The following DNAH10 variants were observed in gnomAD, a reference collection of about 807,000 sequenced individuals.
DNAH10 encodes dynein axonemal heavy chain 10.
Under a neutral mutation model 506.6 loss-of-function variants are expected in DNAH10, and 348 were observed. That is an observed-to-expected ratio of 0.69 (90% CI 0.63 to 0.75). The LOEUF is 0.75. DNAH10 is among the 30% of genes least tolerant of loss of function. DNAH10 has a pLI of 0.00. For synonymous variants in DNAH10, 2,059 were observed against 2,198.6 expected (o/e 0.94, Z 1.78); for missense variants, 5,179 against 5,787.1 (o/e 0.89, Z 3.41).
chr12:123,767,247 G>A (rs1446332817), intron 1 of DNAH10, among the ~76,000 whole-genome samples: 2 of 152,116 alleles, frequency 1.3e-5, no homozygotes, highest in African/African-American at 4.8e-5. Flanking sequence ...CACACGGCCT[G>A]CAATTTACAT....
At position 123,910,445 on chromosome 12, in the gene DNAH10, G is replaced by A. The variant is rs1954012643; in HGVS notation, c.9998-91G>A. ...GCATTCTGCTCACAGGGCCACTGAA[G>A]AATAAGAAACTAGTTATGCTTATTT... On this transcript the variant is annotated intron_variant, in intron 58 of 78. Coordinates refer to ENST00000673944, the MANE Select transcript of DNAH10 (RefSeq NM_001372106.1). 3.3e-6 allele frequency: 5 copies of A among 1,497,156 alleles called. No homozygotes were observed. In the Admixed American group the frequency reaches 5.9e-5, roughly 18 times the overall value. 92.7% of individuals were successfully genotyped at this position (1,497,156 alleles called of 1,614,324 possible). A position where few individuals can be genotyped will look rare whatever the true frequency, so the allele number is the denominator to read the frequency against.
chr12:123,930,535 A>G lies in DNAH10; in HGVS notation c.12746A>G (p.Tyr4249Cys). ...FHFFRNKEVD[Y>C]KIPVGDEKEK... ...TTCTTCCGGAACAAGGAAGTGGACT[A>G]CAAAATCCCTGTTGGTGATGAAAAG... is the stretch of plus-strand genomic sequence containing the variant. Residue 4249 changes from tyrosine to cysteine, a missense_variant, in exon 73 of 79, where the codon TAC becomes TGC. Tyr to Cys is a radical substitution (Grantham distance 194). This residue lies in a region of DNAH10 where 4,844 missense variants were observed against 5,430.5 expected (regional missense o/e 0.89). Coordinates refer to ENST00000673944, the MANE Select transcript of DNAH10 (RefSeq NM_001372106.1). The G allele has an allele frequency of 4.4e-6, 7 of 1,605,752 alleles. No homozygotes were observed. The highest frequency in any genetic ancestry group is 5.9e-6 in the Non-Finnish European group (7 of 1,177,860).
chr12:123,934,133 C>T, intron 77 of DNAH10: 1 of 651,122 alleles, frequency 1.5e-6, no homozygotes, highest in Non-Finnish European at 2.8e-6. Context: ...CCACCACTCT[C>T]TCTGGGGCCA....
Position 123,926,436 on chromosome 12 carries a change from C to T in DNAH10, c.11922-201C>T. Reference sequence around the variant, plus strand: ...AGTGTGAGGGGGTACAGAGAAGTCCCTGCCACTCAGGAGTTCCCCATCAGG... The same window carrying T: ...AGTGTGAGGGGGTACAGAGAAGTCCTTGCCACTCAGGAGTTCCCCATCAGG... On this transcript the variant is annotated intron_variant, in intron 68 of 78. Coordinates refer to ENST00000673944, the MANE Select transcript of DNAH10 (RefSeq NM_001372106.1). The surrounding 1 kb of genome is among the most constrained non-coding windows in gnomAD (Gnocchi z 4.1). 1 of 575,446 alleles carries T rather than the reference C, an allele frequency of 1.7e-6. No individual in the cohort carries two copies. The allele number at this position is 575,446 out of a possible 1,614,324, so 35.6% of individuals were successfully genotyped here.
chr12:123,834,041 G>T (rs1960862812), intron 27 of DNAH10, among the ~76,000 whole-genome samples: 2 of 152,104 alleles, frequency 1.3e-5, no homozygotes, highest in Non-Finnish European at 2.9e-5. Flanking sequence ...CACAATCCAA[G>T]CCTTGGGTGG....
At chr12:123,773,658 G>A (rs944440000) in intron 4 of DNAH10, among the ~76,000 whole-genome samples, 14 of 152,204 alleles carry the variant, frequency 9.2e-5, no homozygotes, top group African/African-American at 3.4e-4. Flanking sequence ...GGAGAGCAGA[G>A]AGAGAGAGAG....
At chr12:123,935,266 C>T (rs1955441959) in intron 78 of DNAH10, 69 bp from the exon 79 acceptor site, 1 of 1,563,850 alleles carries the variant, frequency 6.4e-7, no homozygotes, top group African/African-American at 1.3e-5. Context: ...AAGACTTACA[C>T]TGCACCTCTG....
At chr12:123,923,538 G>A (rs1441942631) in intron 65 of DNAH10, 9 of 394,086 alleles carry the variant, frequency 2.3e-5, no homozygotes, top group Non-Finnish European at 2.2e-5. Context: ...GGCCATTTCC[G>A]TTACATACAG....
chr12:123,778,587 T>C (rs1428387523), intron 5 of DNAH10, among the ~76,000 whole-genome samples: 1 of 151,530 alleles, frequency 6.6e-6, no homozygotes. Context: ...TCCCAGCTAC[T>C]TGGGAGGCTG....
chr12:123,897,627 A>G, intron 54 of DNAH10, 143 bp from the exon 55 acceptor site: 1 of 780,158 alleles, frequency 1.3e-6, no homozygotes, highest in Non-Finnish European at 1.9e-6. Context: ...TGGGAGGCTG[A>G]GGTGGGAGGA....
At position 123,919,023 on chromosome 12, in the gene DNAH10, C is replaced by A; in HGVS notation, c.11506+74C>A. 6.9e-7 allele frequency: 1 copy of A among 1,440,462 alleles called. No individual in the cohort carries two copies. The allele number at this position is 1,440,462 out of a possible 1,614,324, so 89.2% of individuals were successfully genotyped here. On this transcript the variant is annotated intron_variant, in intron 65 of 78. Coordinates refer to ENST00000673944, the MANE Select transcript of DNAH10 (RefSeq NM_001372106.1). This position sits in a 1 kb window ranked among gnomAD's most constrained non-coding sequence, Gnocchi z 4.9. ...AGACGTGGCTTTAAGGAAACGTGAT[C>A]TGTGAAAATGGAAAGTTACCAAATA...
chr12:123,887,054 C>A, intron 51 of DNAH10, 88 bp from the exon 52 acceptor site: 1 of 1,465,658 alleles, frequency 6.8e-7, no homozygotes, highest in Non-Finnish European at 9.1e-7. Context: ...ACGCCCTCTG[C>A]ACTCTCCTCC....
At chr12:123,777,690 G>C (rs993099407) in intron 5 of DNAH10, among the ~76,000 whole-genome samples, 13 of 152,186 alleles carry the variant, frequency 8.5e-5, no homozygotes, top group African/African-American at 2.9e-4. Flanking sequence ...CTGCCACCTA[G>C]GCTGGAGTGC....
chr12:123,934,753 G>A lies in DNAH10; in HGVS notation c.13610G>A (p.Arg4537His), dbSNP rs767834723. ...AAGATCATCCCCATTGAAGCCCATC[G>A]CCTCAAGCTGCAGGTGAAGGTCCCA... The part of the protein sequence containing the change: ...ILKIIPIEAH[R>H]LKLQNTFRTP... The change falls in exon 78 of 79, where the codon CGC becomes CAC. Residue 4537 changes from arginine to histidine, a missense_variant. Arg to His is a conservative substitution (Grantham distance 29). This residue lies in a region of DNAH10 where 4,844 missense variants were observed against 5,430.5 expected (regional missense o/e 0.89). Transcript: ENST00000673944. 2.1e-5 allele frequency: 34 copies of A among 1,613,584 alleles called. No homozygotes were observed. Among genetic ancestry groups the A allele is most frequent in the African/African-American group, 2.7e-5 (2 of 74,912 alleles).
At position 123,919,006 on chromosome 12, in the gene DNAH10, C is replaced by A; in HGVS notation, c.11506+57C>A. 1 of 1,481,342 alleles carries A rather than the reference C, an allele frequency of 6.8e-7. No individual in the cohort carries two copies. The highest frequency in any genetic ancestry group is 2.0e-4 in the Middle Eastern group (1 of 5,046). The allele number at this position is 1,481,342 out of a possible 1,614,324, so 91.8% of individuals were successfully genotyped here. A position where few individuals can be genotyped will look rare whatever the true frequency, so the allele number is the denominator to read the frequency against. ...GTGTAGTTTGGTGTGCCAGACGTGG[C>A]TTTAAGGAAACGTGATCTGTGAAAA... On this transcript the variant is annotated intron_variant, in intron 65 of 78. Coordinates refer to ENST00000673944, the MANE Select transcript of DNAH10 (RefSeq NM_001372106.1). This position sits in a 1 kb window ranked among gnomAD's most constrained non-coding sequence, Gnocchi z 4.9.
At position 123,917,834 on chromosome 12, in the gene DNAH10, G is replaced by C; in HGVS notation, c.11232+21G>C. The C allele has an allele frequency of 6.4e-7, 1 of 1,556,328 alleles. No homozygotes were observed. The highest frequency in any genetic ancestry group is 8.7e-7 in the Non-Finnish European group (1 of 1,149,782). On this transcript the variant is annotated intron_variant, in intron 64 of 78. Transcript: ENST00000673944. This position sits in a 1 kb window ranked among gnomAD's most constrained non-coding sequence, Gnocchi z 5.6. Reference sequence around the variant, plus strand: ...CAGAGGTAGCAACCACAGTGGAAGAGGCCGTGAGTCAGGCGGGGCCTGCAT... The same window carrying C: ...CAGAGGTAGCAACCACAGTGGAAGACGCCGTGAGTCAGGCGGGGCCTGCAT...
rs762874547 is a variant in DNAH10 at position 123,857,080 on chromosome 12, C to A, written c.6463C>A (p.Arg2155=). The A allele has an allele frequency of 3.7e-5, 59 of 1,612,202 alleles. No homozygotes were observed. The highest frequency in any genetic ancestry group is 4.4e-5 in the Non-Finnish European group (52 of 1,179,244). Residue 2155 remains arginine (R), a synonymous_variant, in exon 37 of 79, where the codon CGA becomes AGA. Coordinates refer to ENST00000673944, the MANE Select transcript of DNAH10 (RefSeq NM_001372106.1). ...GGACGTGGTGCTGATGAGGGCCTTG[C>A]GAGACATGAACTTGCCCAAATTTGT... ...REDVVLMRAL[R]DMNLPKFVFE... is the part of the protein sequence containing the mutation.
intron 4 of DNAH10, among the ~76,000 whole-genome samples, chr12:123,773,532 C>A (rs1957333096): frequency 6.6e-6 from 1 of 152,218 alleles, no homozygotes; most frequent in South Asian, 2.1e-4. Context: ...CAACAAACAT[C>A]TATTTCTCAC....
At chr12:123,784,251 A>G (rs1957770375) in intron 8 of DNAH10, 74 bp downstream of exon 8, 1 of 1,486,782 alleles carries the variant, frequency 6.7e-7, no homozygotes, top group Non-Finnish European at 9.3e-7. Flanking sequence ...CCCTTTTAAA[A>G]ATGTTCAGCA....
Sources: gnomAD v4.1 joint callset for allele counts (sites outside exome capture counted in the v4.1 genomes callset) on GRCh38, gnomAD v4.1.1 for gene constraint, gnomAD v4.1.1 regional missense constraint, Gnocchi (gnomAD v3.1) non-coding constraint, MANE v1.5 for transcripts, NCBI Gene and HGNC (gene_info 2026-07-23, HGNC 2026-07-21) for gene names.